HGD: variants seen among roughly 807,000 people sequenced by gnomAD.
HGD encodes homogentisate 1,2-dioxygenase.
A neutral mutation model predicts 60.8 loss-of-function variants in HGD; 61 were observed. The observed-to-expected ratio is 1.00, with a 90% CI of 0.82 to 1.24. The LOEUF (loss-of-function observed/expected upper bound fraction) is 1.24, where lower values mean the gene tolerates loss of function less well. Among genes scored for constraint, HGD ranks in the 50% most tolerant of loss-of-function variants. The probability of loss-of-function intolerance (pLI) is 0.00; values close to 1 mark genes in which losing one functional copy is unlikely to be tolerated. For synonymous variants in HGD, 212 were observed against 187.7 expected (o/e 1.13, Z -1.06); for missense variants, 542 against 547.1 (o/e 0.99, Z 0.09).
At chr3:120,635,163 T>C (rs1314686372) in intron 12 of HGD, among the ~76,000 whole-genome samples, 1 of 152,150 alleles carries the variant, frequency 6.6e-6, no homozygotes, top group Admixed American at 6.5e-5. Flanking sequence ...AGTGGGAGGA[T>C]AGACCTTGCC....
At chr3:120,669,267 C>CAAA (rs541407522) in intron 4 of HGD, among the ~76,000 whole-genome samples, 6 of 146,184 alleles carry the variant, frequency 4.1e-5, no homozygotes, top group African/African-American at 1.5e-4. Flanking sequence ...AGATTAAAAA[C>CAAA]AAAAAAAAAA....
At chr3:120,652,783 TTA>T in intron 4 of HGD, 132 bp from the exon 5 acceptor site, 2 of 675,420 alleles carry the variant, frequency 3.0e-6, no homozygotes, top group South Asian at 3.2e-5. Flanking sequence ...TGTGATTTTG[TTA>T]TATTAAAATG....
At chr3:120,634,528 AACATGAGACAGAGATGAATAAGAAATAGC>A (rs1940697004) in intron 12 of HGD, among the ~76,000 whole-genome samples, 1 of 152,176 alleles carries the variant, frequency 6.6e-6, no homozygotes, top group Non-Finnish European at 1.5e-5. Flanking sequence ...TGTGCTGGCT[AACATGAGACAGAGATGAATAAGAAATAGC>A]TTTTAAAGCT....
intron 3 of HGD, 114 bp downstream of exon 3, chr3:120,674,787 A>G (rs147202203): frequency 1.3e-6 from 1 of 753,272 alleles, no homozygotes; most frequent in Non-Finnish European, 2.4e-6. Context: ...ATAGCCTATA[A>G]GAAGCAGGAT....
chr3:120,661,615 C>T (rs962395406), intron 4 of HGD, among the ~76,000 whole-genome samples: 3 of 152,234 alleles, frequency 2.0e-5, no homozygotes, highest in Non-Finnish European at 4.4e-5. Flanking sequence ...GCCTATTTAA[C>T]ATTCTTATAT....
Position 120,677,926 on chromosome 3 carries a change from T to G in HGD, c.16-2063A>C, listed in dbSNP as rs1168687230. On this transcript the variant is annotated intron_variant, in intron 1 of 13. Coordinates refer to ENST00000283871, the MANE Select transcript of HGD (RefSeq NM_000187.4). ...TACGTGAATATTGGGGCAGGTTCCC[T>G]GATACTCAGTGGCGTGGAGATGTAA... 1.3e-5 allele frequency: 2 copies of G among 152,218 alleles called. No homozygotes were observed. Among genetic ancestry groups the G allele is most frequent in the East Asian group, 3.8e-4 (2 of 5,200 alleles). The allele number at this position is 152,218 out of a possible 1,614,324, so 9.4% of individuals were successfully genotyped here.
At chr3:120,645,567 A>G (rs999418833) in intron 9 of HGD, among the ~76,000 whole-genome samples, 1 of 152,130 alleles carries the variant, frequency 6.6e-6, no homozygotes, top group Non-Finnish European at 1.5e-5. Context: ...TCACTTTGGA[A>G]TGTTTTAATC....
intron 10 of HGD, 51 bp from the exon 11 acceptor site, chr3:120,641,744 G>T: frequency 8.5e-7 from 1 of 1,177,690 alleles, no homozygotes; most frequent in Non-Finnish European, 1.3e-6. Context: ...TGCTTTTGTA[G>T]CTGTGATCCC....
intron 11 of HGD, among the ~76,000 whole-genome samples, chr3:120,640,632 A>G (rs1201173470): frequency 6.6e-6 from 1 of 152,248 alleles, no homozygotes; most frequent in East Asian, 1.9e-4. Context: ...GAGAATTGAC[A>G]TTTCTTCAAC....
chr3:120,677,981 CCAA>C (rs1216388837), intron 1 of HGD: 2 of 152,094 alleles, frequency 1.3e-5, no homozygotes, highest in East Asian at 3.8e-4. Context: ...GATGATCAGG[CCAA>C]CAACAGTCTG....
intron 4 of HGD, among the ~76,000 whole-genome samples, chr3:120,663,733 T>A (rs1426224784): frequency 1.3e-5 from 2 of 151,926 alleles, no homozygotes; most frequent in Non-Finnish European, 2.9e-5. Flanking sequence ...ATTTACTACA[T>A]AATAGCAAAA....
intron 7 of HGD, among the ~76,000 whole-genome samples, chr3:120,647,657 T>A (rs536087291): frequency 1.3e-5 from 2 of 152,144 alleles, no homozygotes; most frequent in African/African-American, 4.8e-5. Flanking sequence ...CCAGAAGAGA[T>A]GGGCAAAGAC....
intron 12 of HGD, among the ~76,000 whole-genome samples, chr3:120,636,944 G>T (rs1208394605): frequency 1.3e-5 from 2 of 152,238 alleles, no homozygotes; most frequent in South Asian, 4.1e-4. Flanking sequence ...GAATGTTCCA[G>T]GTGGAATGCC....
intron 11 of HGD, among the ~76,000 whole-genome samples, chr3:120,639,666 A>G (rs1481686291): frequency 2.0e-4 from 30 of 152,152 alleles, no homozygotes; most frequent in African/African-American, 7.2e-4. Context: ...ATAAAGCAAA[A>G]TCCAAGTTTT....
chr3:120,666,680 C>T (rs537375907), intron 4 of HGD, among the ~76,000 whole-genome samples: 2 of 152,098 alleles, frequency 1.3e-5, no homozygotes, highest in East Asian at 3.9e-4. Context: ...TGGTGTTTCT[C>T]CATGTTGGTC....
intron 12 of HGD, among the ~76,000 whole-genome samples, chr3:120,638,089 T>C (rs1940840251): frequency 6.6e-6 from 1 of 152,212 alleles, no homozygotes. Context: ...GCTCTCATCA[T>C]GTGATATGCC....
At chr3:120,661,973 G>A (rs201739114) in intron 4 of HGD, among the ~76,000 whole-genome samples, 1 of 152,188 alleles carries the variant, frequency 6.6e-6, no homozygotes, top group East Asian at 1.9e-4. Flanking sequence ...AATATTGAAA[G>A]GGCATAATGA....
intron 12 of HGD, among the ~76,000 whole-genome samples, chr3:120,636,047 G>A (rs1211272125): frequency 6.6e-6 from 1 of 150,468 alleles, no homozygotes; most frequent in Non-Finnish European, 1.5e-5. Context: ...AAGGCAGGTG[G>A]ATTGCTTGAG....
intron 12 of HGD, among the ~76,000 whole-genome samples, chr3:120,635,180 A>C (rs144745617): frequency 5.0e-4 from 76 of 152,258 alleles, no homozygotes; most frequent in Non-Finnish European, 5.3e-4. Context: ...TGCCTTTCTG[A>C]TTAAAGCTGA....
Sources: allele counts gnomAD v4.1 joint callset (sites outside exome capture counted in the v4.1 genomes callset), GRCh38; gene constraint gnomAD v4.1.1; transcripts MANE v1.5; gene names NCBI Gene and HGNC (gene_info 2026-07-23, HGNC 2026-07-21).